Variants in PRPF38A observed in about 807,000 individuals in gnomAD.
PRPF38A encodes the protein pre-mRNA processing factor 38A, also known as pre-mRNA-splicing factor 38A.
Under a neutral mutation model 46.8 loss-of-function variants are expected in PRPF38A, and 11 were observed. That is an observed-to-expected ratio of 0.24 (90% CI 0.15 to 0.39). The LOEUF is 0.39. PRPF38A is among the 10% of genes least tolerant of loss of function. PRPF38A has a pLI of 1.00. For synonymous variants in PRPF38A, 124 were observed against 136.2 expected (o/e 0.91, Z 0.62); for missense variants, 261 against 407.5 (o/e 0.64, Z 3.10).
At chr1:52,404,955 C>G in intron 1 of PRPF38A, 76 bp downstream of exon 1, 2 of 1,548,996 alleles carry the variant, frequency 1.3e-6, no homozygotes, top group South Asian at 2.4e-5. Context: ...GTAGGACTAG[C>G]GACTGGCCTC....
chr1:52,416,314 C>CT lies in PRPF38A; in HGVS notation c.897-322dup, dbSNP rs757059288. ...CATACCAAGGTCTTTCTCAGGACTC[C>CT]TTTTTTTTTTTTGAGATGGAGTCTC... On this transcript the variant is annotated intron_variant, in intron 9 of 9. Coordinates refer to ENST00000257181, the MANE Select transcript of PRPF38A (RefSeq NM_032864.4). 7.0e-3 allele frequency among the ~76,000 whole-genome samples: 994 copies of CT among 142,106 alleles called. 7 individuals carry two copies. Among genetic ancestry groups the CT allele is most frequent in the African/African-American group, 0.023 (888 of 38,992 alleles). The allele number at this position is 142,106 out of a possible 152,430, so 93.2% of individuals were successfully genotyped here.
chr1:52,405,893 A>T, intron 2 of PRPF38A, 54 bp downstream of exon 2: 1 of 1,529,650 alleles, frequency 6.5e-7, no homozygotes, highest in Non-Finnish European at 9.0e-7. Context: ...GCGGTTTAGA[A>T]TTGGGCTTTG....
rs536061252 is a variant in PRPF38A at position 52,418,610 on chromosome 1, A to C, written c.*1920A>C. 6.6e-6 allele frequency: 1 copy of C among 152,328 alleles called. No homozygotes were observed. Among genetic ancestry groups the C allele is most frequent in the Non-Finnish European group, 1.5e-5 (1 of 68,024 alleles). The allele number at this position is 152,328 out of a possible 1,614,324, so 9.4% of individuals were successfully genotyped here. A position where few individuals can be genotyped will look rare whatever the true frequency, so the allele number is the denominator to read the frequency against. On this transcript the variant is annotated 3_prime_UTR_variant, in exon 10 of 10. Coordinates refer to ENST00000257181, the MANE Select transcript of PRPF38A (RefSeq NM_032864.4). ...GGTACCACAGCCAATCAATAGCAGGAAAGAGAATGTCCCTATTCTTTAATT... is the reference window on the plus strand; with the variant it reads ...GGTACCACAGCCAATCAATAGCAGGCAAGAGAATGTCCCTATTCTTTAATT...
chr1:52,414,953 C>T, intron 8 of PRPF38A, 94 bp downstream of exon 8: 1 of 1,134,226 alleles, frequency 8.8e-7, no homozygotes, highest in South Asian at 1.3e-5. Context: ...CCTGACTGTA[C>T]TGCCTAACAG....
At position 52,416,721 on chromosome 1, in the gene PRPF38A, C is replaced by T. The variant is rs1296690105; in HGVS notation, c.*31C>T. Reference sequence around the variant, plus strand: ...TCAGTTTGGTTTTAGTCCACATGGCCTCCTGTGGATATAAGGATATCTGTA... The same window carrying T: ...TCAGTTTGGTTTTAGTCCACATGGCTTCCTGTGGATATAAGGATATCTGTA... On this transcript the variant is annotated 3_prime_UTR_variant, in exon 10 of 10. Transcript: ENST00000257181. 4 of 1,506,910 alleles carry T rather than the reference C, an allele frequency of 2.7e-6. No homozygotes were observed. Among genetic ancestry groups the T allele is most frequent in the East Asian group, 2.3e-5 (1 of 44,426 alleles). 93.3% of individuals were successfully genotyped at this position (1,506,910 alleles called of 1,614,324 possible).
rs1648219914 is a variant in PRPF38A, at chr1:52,413,928, T to C, written c.659T>C (p.Leu220Ser). 3.7e-6 allele frequency: 6 copies of C among 1,613,994 alleles called. No homozygotes were observed. The highest frequency in any genetic ancestry group is 5.1e-6 in the Non-Finnish European group (6 of 1,179,976). Residue 220 changes from leucine to serine, a missense_variant, in exon 6 of 10, where the codon TTG (leucine) becomes TCG (serine). Physicochemically the swap from Leu to Ser is moderately radical, Grantham distance 145. Transcript: ENST00000257181. ...CACCGCCGGAGAAGCTACCGAGACT[T>C]GGACAAGCCCCGTCGCTCTCCCACA... ...PDHRRRSYRD[L>S]DKPRRSPTLR...
At chr1:52,405,462 AG>A (rs1171483567) in intron 1 of PRPF38A, among the ~76,000 whole-genome samples, 2 of 152,264 alleles carry the variant, frequency 1.3e-5, no homozygotes, top group African/African-American at 4.8e-5. Flanking sequence ...TTGTTAAAAA[AG>A]GTTAAGTGAG....
intron 3 of PRPF38A, 26 bp downstream of exon 3, chr1:52,408,716 TTG>T: frequency 6.2e-7 from 1 of 1,609,972 alleles, no homozygotes; most frequent in Non-Finnish European, 8.5e-7. Context: ...AGTCTCCTGA[TTG>T]TCATTTTTAA....
At position 52,414,823 on chromosome 1, in the gene PRPF38A, C is replaced by G; in HGVS notation, c.811C>G (p.Arg271Gly). The G allele has an allele frequency of 6.2e-7, 1 of 1,614,132 alleles. No individual in the cohort carries two copies. The highest frequency in any genetic ancestry group is 8.5e-7 in the Non-Finnish European group (1 of 1,180,010). ...TCCAAGACGTCACCGCAGCAGGTCC[C>G]GAGATCGGCGGCACAGATCCCGTTC... is the stretch of plus-strand genomic sequence containing the variant. The part of the protein sequence containing the change: ...KSPRRHRSRS[R>G]DRRHRSRSKS... The change falls in exon 8 of 10, where the codon CGA becomes GGA. Residue 271 changes from arginine to glycine, a missense_variant. Arg to Gly is a moderately radical substitution (Grantham distance 125). Transcript: ENST00000257181.
At chr1:52,409,828 CT>C (rs1648097499) in intron 3 of PRPF38A, among the ~76,000 whole-genome samples, 1 of 151,798 alleles carries the variant, frequency 6.6e-6, no homozygotes, top group Admixed American at 6.6e-5. Context: ...GGTCATATAA[CT>C]TTTGTGTGAG....
At chr1:52,411,692 T>TA (rs1648153300) in intron 4 of PRPF38A, among the ~76,000 whole-genome samples, 2 of 152,174 alleles carry the variant, frequency 1.3e-5, no homozygotes, top group Admixed American at 1.3e-4. Flanking sequence ...ATTAATTCCT[T>TA]AAACTTGCCT....
At chr1:52,413,099 CTTAAAT>C (rs901453514) in intron 5 of PRPF38A, among the ~76,000 whole-genome samples, 3 of 152,150 alleles carry the variant, frequency 2.0e-5, no homozygotes, top group African/African-American at 4.8e-5. Flanking sequence ...ACGCAAATTA[CTTAAAT>C]TTAGTTTTCT....
At chr1:52,415,903 C>T (rs950886251) in intron 9 of PRPF38A, among the ~76,000 whole-genome samples, 56 of 129,444 alleles carry the variant, frequency 4.3e-4, no homozygotes, top group African/African-American at 1.3e-3. Flanking sequence ...AGTGCAGTGG[C>T]GCAATCTCGG....
chr1:52,412,624 G>T lies in PRPF38A; in HGVS notation c.609G>T (p.Lys203Asn). Residue 203 changes from lysine to asparagine, a missense_variant and splice_region_variant, in exon 5 of 10, where the codon AAG becomes AAT. By Grantham distance (94) the Lys-to-Asn change is moderately conservative (BLOSUM62 0). Coordinates refer to ENST00000257181, the MANE Select transcript of PRPF38A (RefSeq NM_032864.4). ...AAGAGGAAGAAGAGGAGGATGAGAA[G>T]GTCTGGCACCTGAGACTTTTATGGT... ...SSEEEEEEDE[K>N]LERVPSPDHR... The T allele has an allele frequency of 1.3e-6, 2 of 1,594,826 alleles. No individual in the cohort carries two copies. The highest frequency in any genetic ancestry group is 1.7e-6 in the Non-Finnish European group (2 of 1,163,266).
intron 2 of PRPF38A, 60 bp from the exon 3 acceptor site, chr1:52,408,509 A>C (rs1557591588): frequency 6.2e-7 from 1 of 1,609,700 alleles, no homozygotes. Flanking sequence ...GAGAACAGCT[A>C]GTTGTAAAAC....
intron 1 of PRPF38A, among the ~76,000 whole-genome samples, chr1:52,405,279 T>C (rs1647946991): frequency 6.6e-6 from 1 of 152,242 alleles, no homozygotes; most frequent in Non-Finnish European, 1.5e-5. Flanking sequence ...GGTTCCAGTA[T>C]TTATAAATAT....
At chr1:52,404,984 G>C (rs550540579) in intron 1 of PRPF38A, 105 bp downstream of exon 1, 30 of 1,365,368 alleles carry the variant, frequency 2.2e-5, no homozygotes, top group Non-Finnish European at 2.9e-5. Flanking sequence ...GTACTGGAAC[G>C]GAGTATGTCG....
At chr1:52,414,492 C>T (rs1436331014) in intron 6 of PRPF38A, 129 bp from the exon 7 acceptor site, 44 of 935,144 alleles carry the variant, frequency 4.7e-5, no homozygotes, top group East Asian at 1.8e-4. Context: ...GCTAGAGTTA[C>T]GTGACAAAAG....
In PRPF38A at chr1:52,418,255, G is replaced by A. The variant is rs1165816930; in HGVS notation, c.*1565G>A. ...AAAAGTGGTCTGAAAGAGCTCTTACGGTTTCTGATAGAACTATATAGGACT... is the reference window on the plus strand; with the variant it reads ...AAAAGTGGTCTGAAAGAGCTCTTACAGTTTCTGATAGAACTATATAGGACT... On this transcript the variant is annotated 3_prime_UTR_variant, in exon 10 of 10. Coordinates refer to ENST00000257181, the MANE Select transcript of PRPF38A (RefSeq NM_032864.4). 1.3e-5 allele frequency: 2 copies of A among 152,428 alleles called. No individual in the cohort carries two copies. The highest frequency in any genetic ancestry group is 4.8e-5 in the African/African-American group (2 of 41,424). 9.4% of individuals were successfully genotyped at this position (152,428 alleles called of 1,614,324 possible).
Sources: allele counts gnomAD v4.1 joint callset (sites outside exome capture counted in the v4.1 genomes callset), GRCh38; gene constraint gnomAD v4.1.1; transcripts MANE v1.5; gene names NCBI Gene and HGNC (gene_info 2026-07-23, HGNC 2026-07-21).